USH2A: variants seen among roughly 807,000 people sequenced by gnomAD.
The protein encoded by USH2A is Usher syndrome 2A (autosomal recessive, mild).
USH2A carries 443 observed loss-of-function variants against 538.9 expected under a neutral mutation model. The observed-to-expected ratio is 0.82, with a 90% confidence interval of 0.76 to 0.89. USH2A has a LOEUF of 0.89. Ranked by LOEUF, USH2A falls within the 40% of genes least tolerant of loss-of-function variation. USH2A has a pLI of 0.00. For synonymous variants in USH2A, 2,413 were observed against 2,273.5 expected (o/e 1.06, Z -1.75); for missense variants, 6,633 against 6,324.8 (o/e 1.05, Z -1.65).
At chr1:216,382,871 AT>A (rs2038944157) in intron 3 of USH2A, among the ~76,000 whole-genome samples, 1 of 152,198 alleles carries the variant, frequency 6.6e-6, no homozygotes, top group African/African-American at 2.4e-5. Flanking sequence ...ATAAAACTAT[AT>A]TGGTCACTAA....
chr1:216,397,051 A>G (rs2039224375), intron 3 of USH2A, among the ~76,000 whole-genome samples: 2 of 152,186 alleles, frequency 1.3e-5, no homozygotes, highest in African/African-American at 4.8e-5. Context: ...CCACTTGCAC[A>G]CCTGAGAAGA....
chr1:215,832,078 TGAC>T (rs1468212602), intron 47 of USH2A, among the ~76,000 whole-genome samples: 1 of 151,930 alleles, frequency 6.6e-6, no homozygotes, highest in Non-Finnish European at 1.5e-5. Flanking sequence ...ACCCACAAGA[TGAC>T]TAAACTCACT....
intron 35 of USH2A, among the ~76,000 whole-genome samples, chr1:215,981,654 G>T (rs1667755148): frequency 6.6e-6 from 1 of 152,126 alleles, no homozygotes; most frequent in African/African-American, 2.4e-5. Context: ...CTACCTCAAG[G>T]AGTATACCAA....
intron 30 of USH2A, among the ~76,000 whole-genome samples, chr1:216,053,595 A>G (rs923235757): frequency 1.3e-5 from 2 of 151,992 alleles, no homozygotes; most frequent in African/African-American, 4.8e-5. Context: ...CCTCTAGGTA[A>G]TGGAAGAGGG....
intron 61 of USH2A, 46 bp from the exon 62 acceptor site, chr1:215,680,422 A>G (rs1658190130): frequency 2.5e-6 from 4 of 1,571,188 alleles, no homozygotes; most frequent in Admixed American, 1.7e-5. Context: ...TTTTTTTGAA[A>G]CTGACAATAT....
chr1:215,855,810 A>G (rs532057548), intron 44 of USH2A, among the ~76,000 whole-genome samples: 2 of 152,212 alleles, frequency 1.3e-5, no homozygotes, highest in East Asian at 3.8e-4. Context: ...AGTCACAAAA[A>G]CAGTATGGTA....
At chr1:215,640,798 T>TCC in intron 67 of USH2A, 64 bp from the exon 68 acceptor site, 1 of 1,475,494 alleles carries the variant, frequency 6.8e-7, no homozygotes, top group Non-Finnish European at 9.2e-7. Context: ...AGGTGTGCAC[T>TCC]TTAAAAAAAA....
chr1:216,040,008 T>A (rs1464568634), intron 32 of USH2A, among the ~76,000 whole-genome samples: 1 of 151,250 alleles, frequency 6.6e-6, no homozygotes, highest in Non-Finnish European at 1.5e-5. Flanking sequence ...CCTGCCCACA[T>A]CTGCCTTTCT....
rs544985262 is a variant in USH2A, at chr1:216,366,808, C to T, written c.652-1723G>A. Among the ~76,000 whole-genome samples the T allele has an allele frequency of 2.6e-5, 4 of 152,220 alleles. No individual in the cohort carries two copies. The East Asian group carries it at 7.7e-4, about 29-fold the overall frequency. ...GCTTTAATATACCTCAAATCATATA[C>T]CAAGTCCTCAAGGGCCTGGATATAT... On this transcript the variant is annotated intron_variant, in intron 3 of 71. Coordinates refer to ENST00000307340, the MANE Select transcript of USH2A (RefSeq NM_206933.4).
At chr1:216,231,026 G>C (rs187380974) in intron 14 of USH2A, among the ~76,000 whole-genome samples, 11 of 150,896 alleles carry the variant, frequency 7.3e-5, no homozygotes, top group South Asian at 4.2e-4. Context: ...GAATATTAAA[G>C]AGAGTGTAAC....
intron 4 of USH2A, among the ~76,000 whole-genome samples, chr1:216,330,159 T>C (rs2037825557): frequency 6.6e-6 from 1 of 152,104 alleles, no homozygotes; most frequent in South Asian, 2.1e-4. Flanking sequence ...TATTGATTCA[T>C]TCACAAGTAT....
At chr1:216,076,342 A>G (rs1429238542) in intron 27 of USH2A, among the ~76,000 whole-genome samples, 1 of 152,208 alleles carries the variant, frequency 6.6e-6, no homozygotes, top group African/African-American at 2.4e-5. Flanking sequence ...CCAGTATCAC[A>G]GACTTAGTCA....
chr1:215,846,343 G>C lies in USH2A; in HGVS notation c.8846-310C>G, dbSNP rs188733809. On this transcript the variant is annotated intron_variant, in intron 44 of 71. Transcript: ENST00000307340. ...TCCTCCTGTTTCAGCCTTCCAAGTA[G>C]CTGGGACTACAGGCTCAGGCCATCA... 1.3e-3 allele frequency among the ~76,000 whole-genome samples: 202 copies of C among 152,208 alleles called. 1 individual carries two copies. The highest frequency in any genetic ancestry group is 1.0e-2 in the South Asian group (48 of 4,816).
In USH2A at chr1:215,674,437, T is replaced by G; in HGVS notation, c.13474A>C (p.Thr4492Pro). ...GTGAGAGTAAAATCACGATAGCGTGTTTCCAAGCCTGTATATACAATGGTT... is the reference window on the plus strand; with the variant it reads ...GTGAGAGTAAAATCACGATAGCGTGGTTCCAAGCCTGTATATACAATGGTT... Reference protein sequence around the residue: ...DGTIVYTGLETRYRDFTLTPG... With the variant: ...DGTIVYTGLEPRYRDFTLTPG... The change falls in exon 63 of 72, where the codon ACA (threonine) becomes CCA (proline). Residue 4492 changes from threonine (T) to proline (P), a missense_variant. Coordinates refer to ENST00000307340, the MANE Select transcript of USH2A (RefSeq NM_206933.4). 1 of 1,614,138 alleles carries G rather than the reference T, an allele frequency of 6.2e-7. No individual in the cohort carries two copies.
chr1:216,396,648 T>A (rs533440692), intron 3 of USH2A, among the ~76,000 whole-genome samples: 1 of 152,216 alleles, frequency 6.6e-6, no homozygotes, highest in East Asian at 1.9e-4. Context: ...CACAAGAATT[T>A]CCAGTCATAA....
intron 7 of USH2A, 50 bp from the exon 8 acceptor site, chr1:216,323,745 C>T: frequency 6.4e-7 from 1 of 1,570,928 alleles, no homozygotes; most frequent in Non-Finnish European, 8.8e-7. Flanking sequence ...ACATTTTTGG[C>T]AAAACAGAAA....
At chr1:215,642,736 A>G (rs957870041) in intron 67 of USH2A, among the ~76,000 whole-genome samples, 2 of 151,888 alleles carry the variant, frequency 1.3e-5, no homozygotes, top group African/African-American at 4.8e-5. Flanking sequence ...TCCCTTCCTA[A>G]CTCTGTTCAG....
intron 3 of USH2A, among the ~76,000 whole-genome samples, chr1:216,403,637 A>T (rs576019338): frequency 2.6e-5 from 4 of 152,332 alleles, no homozygotes; most frequent in African/African-American, 9.6e-5. Context: ...ATAATCATGC[A>T]GAAGCCAAAA....
intron 21 of USH2A, among the ~76,000 whole-genome samples, chr1:216,149,564 T>C (rs1463738387): frequency 6.6e-6 from 1 of 152,130 alleles, no homozygotes; most frequent in African/African-American, 2.4e-5. Context: ...GTCCCCGAGA[T>C]GCTACAGGGT....
Sources: allele counts gnomAD v4.1 joint callset (sites outside exome capture counted in the v4.1 genomes callset), GRCh38; gene constraint gnomAD v4.1.1; transcripts MANE v1.5; gene names NCBI Gene and HGNC (gene_info 2026-07-23, HGNC 2026-07-21).